CD99L2: variants seen among roughly 807,000 people sequenced by gnomAD.
CD99L2 encodes the protein CD99 molecule like 2, also known as CD99 antigen-like protein 2.
CD99L2 carries 24 observed loss-of-function variants against 27.3 expected under a neutral mutation model. The observed-to-expected ratio is 0.88, with a 90% CI of 0.64 to 1.24. The LOEUF (loss-of-function observed/expected upper bound fraction) is 1.24, where lower values mean the gene tolerates loss of function less well. Among genes scored for constraint, CD99L2 ranks in the 50% most tolerant of loss-of-function variants. The pLI, the probability that CD99L2 is intolerant of heterozygous loss-of-function variation, is 0.00. For missense variants in CD99L2, 255 were observed against 221.6 expected, an observed-to-expected ratio of 1.15 and a Z score of -0.96; for synonymous variants, 97 against 87.9, an observed-to-expected ratio of 1.10 and a Z score of -0.58.
chrX:150,896,142 G>C (rs2047605099), intron 1 of CD99L2, among the ~76,000 whole-genome samples: 1 of 111,402 alleles, frequency 9.0e-6, no homozygotes, highest in East Asian at 2.8e-4. Flanking sequence ...GCTCACGCCT[G>C]TAATCCCAGA....
At chrX:150,860,015 G>A (rs2046950874) in intron 1 of CD99L2, among the ~76,000 whole-genome samples, 1 of 110,867 alleles carries the variant, frequency 9.0e-6, no homozygotes, top group African/African-American at 3.3e-5. Flanking sequence ...AATCAGTAAA[G>A]GACACAATAC....
Position 150,768,990 on chromosome X carries a change from C to G in CD99L2, c.*44G>C, listed in dbSNP as rs1435427465. ...TGAAGGGGTGGGGGGAGCCGGGTGA[C>G]AAGCGGTGGCACCATTGTGCATGCC... On this transcript the variant is annotated 3_prime_UTR_variant, in exon 11 of 11. Coordinates refer to ENST00000370377, the MANE Select transcript of CD99L2 (RefSeq NM_031462.4). The G allele has an allele frequency of 8.9e-7, 1 of 1,118,694 alleles. No homozygotes were observed. Among genetic ancestry groups the G allele is most frequent in the Non-Finnish European group, 1.2e-6 (1 of 859,825 alleles). 92.2% of individuals were successfully genotyped at this position (1,118,694 alleles called of 1,213,427 possible).
intron 6 of CD99L2, 74 bp from the exon 7 acceptor site, chrX:150,793,830 C>T: frequency 1.2e-6 from 1 of 854,896 alleles, no homozygotes; most frequent in Non-Finnish European, 1.6e-6. Context: ...CTAATGTTGC[C>T]CAAAATTCAG....
At chrX:150,829,805 A>AG (rs1338593386) in intron 2 of CD99L2, among the ~76,000 whole-genome samples, 1 of 111,601 alleles carries the variant, frequency 9.0e-6, no homozygotes, top group Non-Finnish European at 1.9e-5. Flanking sequence ...GTTAGAAGGG[A>AG]GAAGGGTCAA....
intron 1 of CD99L2, among the ~76,000 whole-genome samples, chrX:150,883,740 G>A (rs782559829): frequency 9.0e-6 from 1 of 111,422 alleles, no homozygotes; most frequent in East Asian, 2.8e-4. Flanking sequence ...CCAAGCACAC[G>A]AGGAAATAAA....
At chrX:150,871,531 C>T (rs1214436254) in intron 1 of CD99L2, among the ~76,000 whole-genome samples, 2 of 111,864 alleles carry the variant, frequency 1.8e-5, no homozygotes, top group Admixed American at 9.5e-5. Context: ...TCATATACTG[C>T]TGGTAGGAGT....
intron 4 of CD99L2, among the ~76,000 whole-genome samples, chrX:150,814,225 CAG>C (rs2046117031): frequency 8.9e-6 from 1 of 111,735 alleles, no homozygotes; most frequent in Admixed American, 9.4e-5. Context: ...AGTTCACTGA[CAG>C]AGTTTCACAC....
intron 1 of CD99L2, among the ~76,000 whole-genome samples, chrX:150,883,464 G>T (rs1557422547): frequency 9.0e-6 from 1 of 111,155 alleles, no homozygotes; most frequent in Non-Finnish European, 1.9e-5. Flanking sequence ...TGGGGCAAGG[G>T]CGACTCAGAA....
intron 4 of CD99L2, among the ~76,000 whole-genome samples, chrX:150,813,755 C>T (rs782533664): frequency 1.1e-4 from 12 of 112,202 alleles, no homozygotes; most frequent in African/African-American, 3.9e-4. Context: ...GCAGTATGAG[C>T]CATTCCTCTC....
At chrX:150,830,103 T>A (rs1401897382) in intron 2 of CD99L2, among the ~76,000 whole-genome samples, 1 of 109,400 alleles carries the variant, frequency 9.1e-6, no homozygotes, top group Non-Finnish European at 1.9e-5. Flanking sequence ...TGCAGTGAGC[T>A]GAGATTGCGC....
chrX:150,813,622 TGAGAGCACGAC>T (rs2046105583), intron 4 of CD99L2, among the ~76,000 whole-genome samples: 1 of 111,873 alleles, frequency 8.9e-6, no homozygotes, highest in Non-Finnish European at 1.9e-5. Context: ...TTTAATTGTA[TGAGAGCACGAC>T]CTTTTAATAT....
At chrX:150,838,220 T>A (rs1386542221) in intron 1 of CD99L2, among the ~76,000 whole-genome samples, 1 of 111,639 alleles carries the variant, frequency 9.0e-6, no homozygotes, top group Non-Finnish European at 1.9e-5. Context: ...AAAACCAGAG[T>A]TTGAGAAACC....
At chrX:150,823,119 C>A (rs555108333) in intron 2 of CD99L2, among the ~76,000 whole-genome samples, 1 of 112,242 alleles carries the variant, frequency 8.9e-6, no homozygotes, top group Admixed American at 9.4e-5. Flanking sequence ...CCTCCACAGC[C>A]ATGCTGAACT....
At chrX:150,833,306 G>A (rs1018818380) in intron 1 of CD99L2, among the ~76,000 whole-genome samples, 9 of 111,267 alleles carry the variant, frequency 8.1e-5, no homozygotes, top group South Asian at 3.7e-4. Flanking sequence ...AAACAATGAT[G>A]AAAAATGAAA....
intron 2 of CD99L2, among the ~76,000 whole-genome samples, chrX:150,825,711 G>C (rs908795541): frequency 1.8e-5 from 2 of 112,327 alleles, no homozygotes; most frequent in Non-Finnish European, 1.9e-5. Context: ...AAGAATAGTA[G>C]GTCAACTTCA....
At chrX:150,814,113 C>T (rs1295830409) in intron 4 of CD99L2, among the ~76,000 whole-genome samples, 1 of 111,983 alleles carries the variant, frequency 8.9e-6, no homozygotes, top group Non-Finnish European at 1.9e-5. Context: ...AACCTCAAGG[C>T]ACTAATATTT....
chrX:150,838,384 T>C (rs1472830130), intron 1 of CD99L2, among the ~76,000 whole-genome samples: 1 of 111,904 alleles, frequency 8.9e-6, no homozygotes, highest in Non-Finnish European at 1.9e-5. Flanking sequence ...AGTATATCTA[T>C]ATTGGTTCAT....
intron 7 of CD99L2, among the ~76,000 whole-genome samples, chrX:150,787,984 C>G (rs1177306155): frequency 9.9e-6 from 1 of 101,224 alleles, no homozygotes; most frequent in African/African-American, 3.6e-5. Flanking sequence ...CAGATGGCTG[C>G]AGGTCTGAGG....
rs782484994 is a variant in CD99L2, at chrX:150,790,434, A to G, written c.496+3257T>C. On this transcript the variant is annotated intron_variant, in intron 7 of 10. Transcript: ENST00000370377. Reference sequence around the variant, plus strand: ...AATGCAGACTATGACAAATGAATCTAACTCCATTATAAATGGGTGGCATTA... The same window carrying G: ...AATGCAGACTATGACAAATGAATCTGACTCCATTATAAATGGGTGGCATTA... Among the ~76,000 whole-genome samples, 457 of 111,100 alleles carry G rather than the reference A, an allele frequency of 4.1e-3. 1 individual carries two copies. Among genetic ancestry groups the G allele is most frequent in the African/African-American group, 0.014 (441 of 30,644 alleles).
Sources: allele counts gnomAD v4.1 joint callset (sites outside exome capture counted in the v4.1 genomes callset), GRCh38; gene constraint gnomAD v4.1.1; transcripts MANE v1.5; gene names NCBI Gene and HGNC (gene_info 2026-07-23, HGNC 2026-07-21).